Variants in NCAM2 observed in about 807,000 individuals in gnomAD.
NCAM2 encodes the protein neural cell adhesion molecule 2, also known as N-CAM-2.
In NCAM2, 30 loss-of-function variants were observed where a neutral mutation model predicts 98.1. The observed-to-expected ratio is 0.31, with a 90% CI of 0.23 to 0.41. NCAM2 has a LOEUF of 0.41. Among genes scored for constraint, NCAM2 ranks in the 10% least tolerant of loss-of-function variants. The pLI, the probability that NCAM2 is intolerant of heterozygous loss-of-function variation, is 1.00. For missense variants in NCAM2, 867 were observed against 1,005.8 expected (o/e 0.86, Z 1.87); for synonymous variants, 368 against 342.4 (o/e 1.07, Z -0.83).
intron 15 of NCAM2, among the ~76,000 whole-genome samples, chr21:21,505,611 C>T (rs1454558389): frequency 6.6e-6 from 1 of 151,866 alleles, no homozygotes; most frequent in Non-Finnish European, 1.5e-5. Flanking sequence ...AAAAAACTTA[C>T]TTTAGCCTCA....
chr21:21,031,586 G>T (rs964089147), intron 1 of NCAM2, among the ~76,000 whole-genome samples: 1 of 152,106 alleles, frequency 6.6e-6, no homozygotes, highest in African/African-American at 2.4e-5. Flanking sequence ...ATCTTGGTTT[G>T]GTTTTGGAAG....
chr21:21,502,995 T>G (rs1401263841), intron 15 of NCAM2, among the ~76,000 whole-genome samples: 1 of 152,018 alleles, frequency 6.6e-6, no homozygotes, highest in Non-Finnish European at 1.5e-5. Context: ...AATCTAATAG[T>G]GCAGTGGTTT....
chr21:21,009,342 C>T (rs936911561), intron 1 of NCAM2, among the ~76,000 whole-genome samples: 8 of 151,860 alleles, frequency 5.3e-5, no homozygotes, highest in Non-Finnish European at 2.9e-5. Context: ...AATATATGAA[C>T]GTCTATAAAA....
chr21:21,491,366 G>T (rs13047195), intron 15 of NCAM2, among the ~76,000 whole-genome samples: 3 of 151,668 alleles, frequency 2.0e-5, no homozygotes, highest in South Asian at 4.2e-4. Context: ...GTCCATAAAG[G>T]AAATATAAAC....
chr21:21,084,595 A>G (rs1045438626), intron 1 of NCAM2, among the ~76,000 whole-genome samples: 1 of 152,192 alleles, frequency 6.6e-6, no homozygotes, highest in Admixed American at 6.5e-5. Flanking sequence ...GTTTCTTCCA[A>G]TTTGAGATTG....
At chr21:21,146,551 ATATATG>A (rs200229850) in intron 1 of NCAM2, among the ~76,000 whole-genome samples, 31,326 of 94,378 alleles carry the variant, frequency 0.33, 3,847 homozygotes, top group Middle Eastern at 0.45. Context: ...TACAGGATAT[ATATATG>A]TATATATATA....
intron 1 of NCAM2, among the ~76,000 whole-genome samples, chr21:21,183,801 A>G (rs1168197412): frequency 4.6e-5 from 7 of 152,134 alleles, no homozygotes; most frequent in Admixed American, 4.6e-4. Flanking sequence ...GTTACTGACC[A>G]AGAAGACTAA....
At chr21:21,473,328 G>A (rs1169400558) in intron 14 of NCAM2, among the ~76,000 whole-genome samples, 2 of 145,730 alleles carry the variant, frequency 1.4e-5, no homozygotes, top group Admixed American at 7.0e-5. Context: ...ATATGCTTGT[G>A]TGTATATATA....
chr21:21,255,561 T>G (rs983731299), intron 1 of NCAM2, among the ~76,000 whole-genome samples: 1 of 152,252 alleles, frequency 6.6e-6, no homozygotes, highest in African/African-American at 2.4e-5. Context: ...CAAACTGTTC[T>G]GAAGAATGCT....
rs2146087210 is a variant in NCAM2 at position 20,998,485 on chromosome 21, G to A, written c.-79G>A. 2.1e-6 allele frequency: 3 copies of A among 1,460,594 alleles called. No individual in the cohort carries two copies. Among genetic ancestry groups the A allele is most frequent in the African/African-American group, 1.4e-5 (1 of 71,038 alleles). The allele number at this position is 1,460,594 out of a possible 1,614,324, so 90.5% of individuals were successfully genotyped here. ...CGGCGGCGGCGGCTCTAGCAGAGGC[G>A]GCCGGGGCAGCGAAAGGTTCTCTCT... On this transcript the variant is annotated 5_prime_UTR_variant, in exon 1 of 18. Transcript: ENST00000400546.
rs147697024 is a variant in NCAM2 at position 21,526,016 on chromosome 21, C to A, written c.2283-8521C>A. 1.0e-2 allele frequency among the ~76,000 whole-genome samples: 1,520 copies of A among 152,040 alleles called. 30 individuals are homozygous for A. Among genetic ancestry groups the A allele is most frequent in the African/African-American group, 0.034 (1,414 of 41,486 alleles). On this transcript the variant is annotated intron_variant, in intron 16 of 17. Transcript: ENST00000400546. ...CCTTCCTTAACTTAATAAAGGATAT[C>A]TAAAAAACTACAACTTACATCATTT...
intron 1 of NCAM2, among the ~76,000 whole-genome samples, chr21:21,143,393 T>C (rs1278093440): frequency 1.3e-5 from 2 of 152,236 alleles, no homozygotes; most frequent in Admixed American, 6.5e-5. Context: ...TTGTTTTAGC[T>C]TGACTGTTTA....
chr21:21,221,021 A>C (rs1301913526), intron 1 of NCAM2, among the ~76,000 whole-genome samples: 2 of 151,376 alleles, frequency 1.3e-5, no homozygotes, highest in Non-Finnish European at 2.9e-5. Flanking sequence ...GTCATGTTTC[A>C]GTAATTCTTA....
chr21:21,328,098 C>G (rs781734033), intron 6 of NCAM2, among the ~76,000 whole-genome samples: 1 of 152,076 alleles, frequency 6.6e-6, no homozygotes, highest in Non-Finnish European at 1.5e-5. Context: ...GCATAATGAC[C>G]TATCAATGAC....
intron 1 of NCAM2, among the ~76,000 whole-genome samples, chr21:21,125,677 G>C (rs1052665974): frequency 1.6e-5 from 2 of 125,320 alleles, no homozygotes; most frequent in African/African-American, 5.7e-5. Context: ...TCTATATATA[G>C]AGATATATAT....
chr21:21,025,933 A>G (rs1234511993), intron 1 of NCAM2, among the ~76,000 whole-genome samples: 1 of 152,246 alleles, frequency 6.6e-6, no homozygotes, highest in Non-Finnish European at 1.5e-5. Context: ...ATGTGAAGAT[A>G]GAGTTTAGTG....
chr21:21,006,873 C>T (rs1601069828), intron 1 of NCAM2, among the ~76,000 whole-genome samples: 1 of 152,198 alleles, frequency 6.6e-6, no homozygotes, highest in African/African-American at 2.4e-5. Context: ...AAAGTGAATG[C>T]CCTTCAGGTC....
chr21:21,525,785 A>T (rs1229209187), intron 16 of NCAM2, among the ~76,000 whole-genome samples: 1 of 152,108 alleles, frequency 6.6e-6, no homozygotes, highest in Non-Finnish European at 1.5e-5. Flanking sequence ...AAATCCAACA[A>T]TTTATAAATA....
At chr21:21,272,498 GC>G (rs2072541986) in intron 1 of NCAM2, among the ~76,000 whole-genome samples, 15 of 5,136 alleles carry the variant, frequency 2.9e-3, no homozygotes, top group Admixed American at 0.028. Flanking sequence ...ACACACACAT[GC>G]GCGCGCGCGC....
Sources: allele counts gnomAD v4.1 joint callset (sites outside exome capture counted in the v4.1 genomes callset), GRCh38; gene constraint gnomAD v4.1.1; transcripts MANE v1.5; gene names NCBI Gene and HGNC (gene_info 2026-07-23, HGNC 2026-07-21).